The following ADAM22 variants were observed in gnomAD, a reference collection of about 807,000 sequenced individuals.
The protein encoded by ADAM22 is ADAM metallopeptidase domain 22.
ADAM22 carries 65 observed loss-of-function variants against 144.6 expected under a neutral mutation model. The ratio of observed to expected loss-of-function variants is 0.45; its 90% CI spans 0.37 to 0.55. The LOEUF (loss-of-function observed/expected upper bound fraction) is 0.55, where lower values mean the gene tolerates loss of function less well. ADAM22 is among the 20% of genes least tolerant of loss of function. The pLI, the probability that ADAM22 is intolerant of heterozygous loss-of-function variation, is 0.00. For synonymous variants in ADAM22, 391 were observed against 412.6 expected (o/e 0.95, Z 0.63); for missense variants, 974 against 1,184.9 (o/e 0.82, Z 2.61).
At chr7:88,183,683 T>C (rs536820904) in intron 29 of ADAM22, among the ~76,000 whole-genome samples, 1 of 151,978 alleles carries the variant, frequency 6.6e-6, no homozygotes, top group African/African-American at 2.4e-5. Flanking sequence ...GGGAGAAGTA[T>C]TAAGGACTTC....
At chr7:88,154,097 C>T (rs1839222595) in intron 21 of ADAM22, among the ~76,000 whole-genome samples, 1 of 152,132 alleles carries the variant, frequency 6.6e-6, no homozygotes, top group Admixed American at 6.5e-5. Flanking sequence ...TCATGGCAGT[C>T]CTCCCATTTT....
chr7:88,013,761 G>A (rs183985965), intron 3 of ADAM22, among the ~76,000 whole-genome samples: 40 of 152,256 alleles, frequency 2.6e-4, no homozygotes, highest in African/African-American at 9.6e-4. Flanking sequence ...ATGGAAATGA[G>A]TGATTTTCAC....
chr7:88,148,235 G>A (rs1837171446), intron 17 of ADAM22, among the ~76,000 whole-genome samples: 1 of 152,098 alleles, frequency 6.6e-6, no homozygotes, highest in South Asian at 2.1e-4. Context: ...AGCCCTGAAT[G>A]CTAACATTTT....
intron 30 of ADAM22, among the ~76,000 whole-genome samples, chr7:88,189,922 G>A (rs576966770): frequency 8.2e-4 from 124 of 152,082 alleles, no homozygotes; most frequent in African/African-American, 2.7e-3. Flanking sequence ...CCAGCCTGGC[G>A]ACAGAGTGAG....
At chr7:87,970,682 G>C (rs957095715) in intron 2 of ADAM22, among the ~76,000 whole-genome samples, 2 of 152,132 alleles carry the variant, frequency 1.3e-5, no homozygotes, top group Non-Finnish European at 2.9e-5. Flanking sequence ...TAGAAGATAT[G>C]AGGAGAAGAG....
At chr7:88,117,515 C>A (rs1828077182) in intron 7 of ADAM22, among the ~76,000 whole-genome samples, 1 of 152,136 alleles carries the variant, frequency 6.6e-6, no homozygotes, top group South Asian at 2.1e-4. Context: ...TGCATGCATA[C>A]TTTGCCCTCC....
chr7:87,972,716 G>T (rs1254392629), intron 2 of ADAM22, among the ~76,000 whole-genome samples: 3 of 152,154 alleles, frequency 2.0e-5, no homozygotes, highest in African/African-American at 7.2e-5. Flanking sequence ...AAAACAGCAT[G>T]GTACTGGTAC....
intron 4 of ADAM22, among the ~76,000 whole-genome samples, chr7:88,098,410 A>G (rs548364027): frequency 1.3e-5 from 2 of 152,232 alleles, no homozygotes; most frequent in East Asian, 3.9e-4. Context: ...GAGATGAATT[A>G]TTTTACTGGT....
chr7:87,968,332 T>C (rs1405647864), intron 2 of ADAM22, among the ~76,000 whole-genome samples: 1 of 152,132 alleles, frequency 6.6e-6, no homozygotes, highest in Non-Finnish European at 1.5e-5. Flanking sequence ...ACCAAGTGTA[T>C]CAGAATCGCT....
At chr7:88,153,032 G>GA (rs1156840655) in intron 20 of ADAM22, among the ~76,000 whole-genome samples, 189 bp from the exon 21 acceptor site, 1 of 152,112 alleles carries the variant, frequency 6.6e-6, no homozygotes, top group Admixed American at 6.6e-5. Context: ...GAGCTTTAAT[G>GA]AAAACCTATC....
chr7:88,114,563 T>G (rs753946917), intron 5 of ADAM22, 21 bp from the exon 6 acceptor site: 1 of 1,612,508 alleles, frequency 6.2e-7, no homozygotes, highest in South Asian at 1.1e-5. Flanking sequence ...CCATGCCTAA[T>G]TATTTTTTTG....
intron 3 of ADAM22, among the ~76,000 whole-genome samples, chr7:88,035,658 C>G (rs181093779): frequency 6.6e-6 from 1 of 152,162 alleles, no homozygotes; most frequent in Non-Finnish European, 1.5e-5. Context: ...CAACAATTTA[C>G]GTAGCATTCA....
chr7:88,134,357 C>T lies in ADAM22; in HGVS notation c.1106C>T (p.Thr369Ile). Reference protein sequence around the residue: ...EFGKTDLMAVTLAQSLAHNIG... With the variant: ...EFGKTDLMAVILAQSLAHNIG... ...GGGAAAACTGATTTAATGGCTGTTA[C>T]ACTTGCCCAGTCATTAGCCCATAAT... Residue 369 changes from threonine to isoleucine, a missense_variant, in exon 13 of 32, where the codon ACA (threonine) becomes ATA (isoleucine). This residue lies in a region of ADAM22 where 734 missense variants were observed against 950.6 expected (regional missense o/e 0.77). Coordinates refer to ENST00000413139, the MANE Select transcript of ADAM22 (RefSeq NM_001324418.2). 1.2e-6 allele frequency: 2 copies of T among 1,607,788 alleles called. No homozygotes were observed. The highest frequency in any genetic ancestry group is 1.7e-6 in the Non-Finnish European group (2 of 1,178,036).
chr7:88,092,543 C>A (rs1820184991), intron 4 of ADAM22, among the ~76,000 whole-genome samples: 1 of 152,188 alleles, frequency 6.6e-6, no homozygotes, highest in South Asian at 2.1e-4. Flanking sequence ...TGCATTTCCC[C>A]CCTGGCAGGC....
In ADAM22 at chr7:87,967,807, C is replaced by CA. The variant is rs35787636; in HGVS notation, c.247-10506dup. Among the ~76,000 whole-genome samples the CA allele has an allele frequency of 3.6e-3, 218 of 60,694 alleles. 11 individuals carry two copies. The highest frequency in any genetic ancestry group is 6.2e-3 in the East Asian group (11 of 1,780). The allele number at this position is 60,694 out of a possible 152,430, so 39.8% of individuals were successfully genotyped here. A position where few individuals can be genotyped will look rare whatever the true frequency, so the allele number is the denominator to read the frequency against. ...TGAGCGACAGAGTGAGACTCTGTCT[C>CA]AAAAAAAAAAAAAAAAAAAAAAAGT... On this transcript the variant is annotated intron_variant, in intron 2 of 31. Coordinates refer to ENST00000413139, the MANE Select transcript of ADAM22 (RefSeq NM_001324418.2).
At chr7:87,955,548 G>T (rs532999098) in intron 2 of ADAM22, among the ~76,000 whole-genome samples, 31 of 152,246 alleles carry the variant, frequency 2.0e-4, no homozygotes, top group African/African-American at 7.0e-4. Context: ...GCCCCTACTG[G>T]GGGGTGCCTC....
At chr7:88,063,055 A>G (rs1049622710) in intron 3 of ADAM22, among the ~76,000 whole-genome samples, 6 of 152,216 alleles carry the variant, frequency 3.9e-5, no homozygotes, top group Non-Finnish European at 7.3e-5. Context: ...TTACCAAAAT[A>G]TGACACAGAC....
chr7:88,039,618 T>TGA (rs1318199635), intron 3 of ADAM22, among the ~76,000 whole-genome samples: 1 of 149,854 alleles, frequency 6.7e-6, no homozygotes, highest in Admixed American at 6.7e-5. Context: ...TGCATGTGTG[T>TGA]GTGTGTGTGT....
intron 18 of ADAM22, among the ~76,000 whole-genome samples, chr7:88,150,249 G>C (rs115312340): frequency 1.1e-3 from 168 of 152,186 alleles, no homozygotes; most frequent in African/African-American, 3.9e-3. Context: ...CACTTCTGGT[G>C]TCATCACTTT....
Sources: gnomAD v4.1 joint callset for allele counts (sites outside exome capture counted in the v4.1 genomes callset) on GRCh38, gnomAD v4.1.1 for gene constraint, gnomAD v4.1.1 regional missense constraint, MANE v1.5 for transcripts, NCBI Gene and HGNC (gene_info 2026-07-23, HGNC 2026-07-21) for gene names.